PLCG2: variants seen among roughly 807,000 people sequenced by gnomAD.
The protein encoded by PLCG2 is phospholipase C gamma 2.
A neutral mutation model predicts 175.6 loss-of-function variants in PLCG2; 69 were observed. The ratio of observed to expected loss-of-function variants is 0.39; its 90% CI spans 0.32 to 0.48. PLCG2 has a LOEUF of 0.48. Ranked by LOEUF, PLCG2 falls within the 20% of genes least tolerant of loss-of-function variation. The pLI, the probability that PLCG2 is intolerant of heterozygous loss-of-function variation, is 0.91. For synonymous variants in PLCG2, 827 were observed against 624.0 expected, an observed-to-expected ratio of 1.33 and a Z score of -4.85; for missense variants, 1,798 against 1,650.9, an observed-to-expected ratio of 1.09 and a Z score of -1.54.
At chr16:81,919,343 C>G (rs1909967753) in intron 19 of PLCG2, 141 bp from the exon 20 acceptor site, 2 of 619,324 alleles carry the variant, frequency 3.2e-6, no homozygotes, top group East Asian at 5.3e-5. Context: ...GTCTTGTATT[C>G]CATAGGAGGA....
rs2098930326 is a variant in PLCG2, at chr16:81,960,023, G to A, written c.*2025G>A. On this transcript the variant is annotated 3_prime_UTR_variant, in exon 33 of 33. Coordinates refer to ENST00000564138, the MANE Select transcript of PLCG2 (RefSeq NM_002661.5). ...GCTAAGCCTCTCTCCAGCTGCTGCT[G>A]TGTAAAATCCATGCGTGGCCAAAGA... 1.4e-5 allele frequency: 3 copies of A among 216,456 alleles called. No individual in the cohort carries two copies. The highest frequency in any genetic ancestry group is 1.9e-4 in the South Asian group (1 of 5,396). The allele number at this position is 216,456 out of a possible 1,614,324, so 13.4% of individuals were successfully genotyped here.
Position 81,958,463 on chromosome 16 carries a change from A to G in PLCG2, c.*465A>G, listed in dbSNP as rs1162816445. 1 of 239,890 alleles carries G rather than the reference A, an allele frequency of 4.2e-6. No homozygotes were observed. Among genetic ancestry groups the G allele is most frequent in the Admixed American group, 5.3e-5 (1 of 18,776 alleles). 14.9% of individuals were successfully genotyped at this position (239,890 alleles called of 1,614,324 possible). A position where few individuals can be genotyped will look rare whatever the true frequency, so the allele number is the denominator to read the frequency against. ...AAGGATTTTAACTCAAAGGCAAATG[A>G]TTCCATAAGGGCCCAAAGAGAAGCC... On this transcript the variant is annotated 3_prime_UTR_variant, in exon 33 of 33. Coordinates refer to ENST00000564138, the MANE Select transcript of PLCG2 (RefSeq NM_002661.5).
At chr16:81,807,879 C>A (rs561023174) in intron 2 of PLCG2, among the ~76,000 whole-genome samples, 1 of 152,168 alleles carries the variant, frequency 6.6e-6, no homozygotes, top group South Asian at 2.1e-4. Context: ...TTTTCAACAG[C>A]CAGATCTCTC....
Position 81,912,586 on chromosome 16 carries a change from C to T in PLCG2, c.1935-11C>T. 6.2e-7 allele frequency: 1 copy of T among 1,612,470 alleles called. No individual in the cohort carries two copies. ...GCTCACCTGGTCGTTTTCCCTGGCCCTGTGCCGCAGGTGGTACTATGACAG... is the reference window on the plus strand; with the variant it reads ...GCTCACCTGGTCGTTTTCCCTGGCCTTGTGCCGCAGGTGGTACTATGACAG... On this transcript the variant is annotated splice_polypyrimidine_tract_variant and intron_variant, in intron 18 of 32. Transcript: ENST00000564138.
At chr16:81,797,052 G>A (rs1313852871) in intron 2 of PLCG2, among the ~76,000 whole-genome samples, 1 of 152,218 alleles carries the variant, frequency 6.6e-6, no homozygotes, top group Non-Finnish European at 1.5e-5. Flanking sequence ...CACGTGTCAT[G>A]TTATTTTCTA....
At chr16:81,776,083 C>CTTTCTTTCTTGCTTGCTTTCTT, upstream of PLCG2, among the ~76,000 whole-genome samples, 1 of 81,848 alleles carries the variant, frequency 1.2e-5, no homozygotes, top group Admixed American at 1.2e-4. Context: ...TTCTCTCTCT[C>CTTTCTTTCTTGCTTGCTTTCTT]TCTCTCTTTC....
At chr16:81,859,779 G>C (rs533551034) in intron 5 of PLCG2, among the ~76,000 whole-genome samples, 2 of 152,052 alleles carry the variant, frequency 1.3e-5, no homozygotes, top group Non-Finnish European at 2.9e-5. Flanking sequence ...CTTGTGATCC[G>C]CCCACCTTGG....
chr16:81,851,760 G>T (rs528820384), intron 2 of PLCG2, among the ~76,000 whole-genome samples: 6 of 152,156 alleles, frequency 3.9e-5, no homozygotes, highest in East Asian at 1.9e-4. Context: ...TGATCTGCCC[G>T]CCTTGGCCTC....
intron 2 of PLCG2, among the ~76,000 whole-genome samples, chr16:81,760,752 A>AAAAAAAAT (rs200216837): frequency 3.3e-5 from 3 of 92,052 alleles, no homozygotes; most frequent in African/African-American, 6.1e-5. Flanking sequence ...CTCTATTAAA[A>AAAAAAAAT]AAAAAAATAA....
At chr16:81,818,944 C>T (rs903796481) in intron 2 of PLCG2, among the ~76,000 whole-genome samples, 2 of 127,296 alleles carry the variant, frequency 1.6e-5, no homozygotes, top group African/African-American at 6.3e-5. Context: ...AAAATAAATA[C>T]AGCTTTTTAG....
At chr16:81,921,834 C>A (rs1910074886) in intron 21 of PLCG2, among the ~76,000 whole-genome samples, 3 of 152,214 alleles carry the variant, frequency 2.0e-5, no homozygotes, top group African/African-American at 7.2e-5. Context: ...AGGGGCCCTG[C>A]TTGTGGGCTC....
At chr16:81,895,173 A>G (rs1470493344) in intron 12 of PLCG2, among the ~76,000 whole-genome samples, 1 of 152,208 alleles carries the variant, frequency 6.6e-6, no homozygotes, top group African/African-American at 2.4e-5. Context: ...TAAATTTCTC[A>G]TTGCTCTGTA....
At chr16:81,836,776 G>A (rs1905539718) in intron 2 of PLCG2, among the ~76,000 whole-genome samples, 1 of 152,166 alleles carries the variant, frequency 6.6e-6, no homozygotes, top group Non-Finnish European at 1.5e-5. Flanking sequence ...GGCCATTCAG[G>A]TTCAAGTTCT....
At chr16:81,952,169 C>A (rs922241507) in intron 31 of PLCG2, among the ~76,000 whole-genome samples, 2 of 151,866 alleles carry the variant, frequency 1.3e-5, no homozygotes, top group Non-Finnish European at 2.9e-5. Flanking sequence ...AAACAAAACA[C>A]CATGTGAACA....
intron 1 of PLCG2, among the ~76,000 whole-genome samples, chr16:81,741,350 G>C (rs528294001): frequency 6.6e-6 from 1 of 152,164 alleles, no homozygotes; most frequent in Non-Finnish European, 1.5e-5. Context: ...AAGTAGAATC[G>C]CTTCTATTTG....
At chr16:81,825,398 C>G (rs1406340275) in intron 2 of PLCG2, among the ~76,000 whole-genome samples, 2 of 149,846 alleles carry the variant, frequency 1.3e-5, no homozygotes, top group Non-Finnish European at 2.9e-5. Flanking sequence ...AAGCCATTCT[C>G]TTGCTTCAGC....
intron 2 of PLCG2, among the ~76,000 whole-genome samples, chr16:81,835,493 C>T (rs529913502): frequency 1.6e-4 from 25 of 151,958 alleles, no homozygotes; most frequent in Non-Finnish European, 3.2e-4. Flanking sequence ...GTATGAGAAT[C>T]GCTTAAACCT....
At chr16:81,904,219 C>A (rs887136369) in intron 14 of PLCG2, among the ~76,000 whole-genome samples, 1 of 152,174 alleles carries the variant, frequency 6.6e-6, no homozygotes, top group Non-Finnish European at 1.5e-5. Context: ...TTATCTTTCA[C>A]GTTCTTTGAC....
At chr16:81,768,107 C>G (rs969082392) in intron 2 of PLCG2, among the ~76,000 whole-genome samples, 5 of 152,080 alleles carry the variant, frequency 3.3e-5, no homozygotes, top group Non-Finnish European at 5.9e-5. Context: ...CCAGGCTGGT[C>G]TTGAACTTCT....
Sources: allele counts gnomAD v4.1 joint callset (sites outside exome capture counted in the v4.1 genomes callset), GRCh38; gene constraint gnomAD v4.1.1; transcripts MANE v1.5; gene names NCBI Gene and HGNC (gene_info 2026-07-23, HGNC 2026-07-21).